Variants in MMP8 observed in about 807,000 individuals in gnomAD.
MMP8 encodes the protein matrix metallopeptidase 8, also known as neutrophil collagenase.
In MMP8, 67 loss-of-function variants were observed where a neutral mutation model predicts 51.2. That is an observed-to-expected ratio of 1.31 (90% CI 1.08 to 1.60). MMP8 has a LOEUF of 1.60. MMP8 is among the 40% of genes most tolerant of loss of function. The pLI, the probability that MMP8 is intolerant of heterozygous loss-of-function variation, is 0.00. For synonymous variants in MMP8, 225 were observed against 191.0 expected (o/e 1.18, Z -1.47); for missense variants, 654 against 558.1 (o/e 1.17, Z -1.73).
At position 102,712,308 on chromosome 11, in the gene MMP8, C is replaced by G. The variant is rs2134287693; in HGVS notation, c.*1040G>C. Reference sequence around the variant, plus strand: ...GTGGTGGTTCTCTTTTGGCTGCTGTCCTGGGAAGATGCCCAGTAGTCCTTA... The same window carrying G: ...GTGGTGGTTCTCTTTTGGCTGCTGTGCTGGGAAGATGCCCAGTAGTCCTTA... On this transcript the variant is annotated 3_prime_UTR_variant, in exon 10 of 10. Coordinates refer to ENST00000236826, the MANE Select transcript of MMP8 (RefSeq NM_002424.3). 1 of 152,508 alleles carries G rather than the reference C, an allele frequency of 6.6e-6. No homozygotes were observed. Among genetic ancestry groups the G allele is most frequent in the Admixed American group, 6.5e-5 (1 of 15,298 alleles). The allele number at this position is 152,508 out of a possible 1,614,324, so 9.4% of individuals were successfully genotyped here. A position where few individuals can be genotyped will look rare whatever the true frequency, so the allele number is the denominator to read the frequency against.
intron 1 of MMP8, chr11:102,723,385 G>T: frequency 2.6e-6 from 1 of 379,178 alleles, no homozygotes; most frequent in East Asian, 7.3e-5. Flanking sequence ...GTGAACACCT[G>T]GCACCTTGTC....
intron 2 of MMP8, 66 bp downstream of exon 2, chr11:102,722,363 T>C: frequency 3.3e-6 from 5 of 1,528,240 alleles, no homozygotes; most frequent in Non-Finnish European, 4.5e-6. Context: ...AAGAACAGTG[T>C]CTGTCATATA....
At chr11:102,718,220 C>A (rs191906926) in intron 5 of MMP8, among the ~76,000 whole-genome samples, 194 bp downstream of exon 5, 28 of 152,240 alleles carry the variant, frequency 1.8e-4, no homozygotes, top group African/African-American at 6.3e-4. Flanking sequence ...TCTTCTTAAA[C>A]TTTTTTTCTT....
At chr11:102,716,879 A>T (rs974922340) in intron 5 of MMP8, among the ~76,000 whole-genome samples, 1 of 152,202 alleles carries the variant, frequency 6.6e-6, no homozygotes, top group Non-Finnish European at 1.5e-5. Context: ...TTGAATTTTC[A>T]TGTGTTTTCT....
Position 102,724,879 on chromosome 11 carries a change from C to T in MMP8, c.-24G>A. 1.3e-6 allele frequency: 2 copies of T among 1,597,760 alleles called. No individual in the cohort carries two copies. The highest frequency in any genetic ancestry group is 1.7e-6 in the Non-Finnish European group (2 of 1,170,720). ...ATGATCTTCTCTTCAAACTCTACCC[C>T]TCCTGGCTTTCTTTCTGTCCCTCTG... On this transcript the variant is annotated 5_prime_UTR_variant, in exon 1 of 10. Transcript: ENST00000236826.
rs370131722 is a variant in MMP8, at chr11:102,715,442, C to T, written c.903-5G>A. The stretch of plus-strand genomic sequence containing the variant: ...GGATGCCTTCTCCAGAAGTACCTAA[C>T]GGAACATAAGGAAACACACACACAC... On this transcript the variant is annotated splice_region_variant and splice_polypyrimidine_tract_variant and intron_variant, in intron 6 of 9. Transcript: ENST00000236826. The T allele has an allele frequency of 1.1e-4, 177 of 1,609,936 alleles. No homozygotes were observed. The highest frequency in any genetic ancestry group is 4.3e-4 in the African/African-American group (32 of 74,754).
intron 5 of MMP8, 28 bp from the exon 6 acceptor site, chr11:102,716,447 A>AAAT (rs398017359): frequency 2.4e-6 from 3 of 1,224,532 alleles, no homozygotes; most frequent in South Asian, 1.4e-5. Context: ...AAAAAAAAAA[A>AAAT]GGTCTTTCTT....
chr11:102,722,565 C>A lies in MMP8; in HGVS notation c.211G>T (p.Gly71Trp). 6.2e-7 allele frequency: 1 copy of A among 1,613,872 alleles called. No homozygotes were observed. ...TTTGGCTTCCCCGTCACATTCAACC[C>A]AAAAAATCGCTGCATTTCTTTAAGC... The part of the protein sequence containing the change: ...EKLKEMQRFF[G>W]LNVTGKPNEE... Residue 71 changes from glycine to tryptophan, a missense_variant, in exon 2 of 10, where the codon GGG (glycine) becomes TGG (tryptophan). Coordinates refer to ENST00000236826, the MANE Select transcript of MMP8 (RefSeq NM_002424.3).
chr11:102,717,483 T>A (rs1861332152), intron 5 of MMP8, among the ~76,000 whole-genome samples: 1 of 152,228 alleles, frequency 6.6e-6, no homozygotes, highest in South Asian at 2.1e-4. Context: ...AATTAATACA[T>A]TGTGCAATAT....
rs747317734 is a variant in MMP8 at position 102,716,442 on chromosome 11, A to T, written c.785-23T>A. 8 of 1,413,764 alleles carry T rather than the reference A, an allele frequency of 5.7e-6. No individual in the cohort carries two copies. In the South Asian group the frequency reaches 8.9e-5, roughly 16 times the overall value. 87.6% of individuals were successfully genotyped at this position (1,413,764 alleles called of 1,614,324 possible). On this transcript the variant is annotated intron_variant, in intron 5 of 9. Coordinates refer to ENST00000236826, the MANE Select transcript of MMP8 (RefSeq NM_002424.3). ...GTCCTGGAAAAAAAAAAAAAAAAAA[A>T]AAAAAGGTCTTTCTTATGAGAGTAA...
chr11:102,721,228 TA>T lies in MMP8; in HGVS notation c.622+172del, dbSNP rs1480254435. Among the ~76,000 whole-genome samples the T allele has an allele frequency of 3.3e-5, 5 of 152,122 alleles. 1 individual carries two copies. The highest frequency in any genetic ancestry group is 4.1e-4 in the South Asian group (2 of 4,830). Reference sequence around the variant, plus strand: ...CAGCATGTCTTTTTCTTTCTTTTTTTAAAAAAATCCCAAATTGACTTAGTAT... The same window carrying T: ...CAGCATGTCTTTTTCTTTCTTTTTTTAAAAAATCCCAAATTGACTTAGTAT... On this transcript the variant is annotated intron_variant, in intron 4 of 9. Coordinates refer to ENST00000236826, the MANE Select transcript of MMP8 (RefSeq NM_002424.3).
intron 6 of MMP8, 21 bp downstream of exon 6, chr11:102,716,281 A>C: frequency 6.7e-7 from 1 of 1,482,570 alleles, no homozygotes; most frequent in Non-Finnish European, 9.4e-7. Flanking sequence ...AATCAAAGGA[A>C]GAAATATTTC....
At chr11:102,716,449 G>GC in intron 5 of MMP8, 30 bp from the exon 6 acceptor site, 1 of 1,085,820 alleles carries the variant, frequency 9.2e-7, no homozygotes, top group South Asian at 1.4e-5. Flanking sequence ...AAAAAAAAAG[G>GC]TCTTTCTTAT....
chr11:102,713,646 G>C, intron 9 of MMP8, 108 bp downstream of exon 9: 1 of 1,089,738 alleles, frequency 9.2e-7, no homozygotes, highest in African/African-American at 1.6e-5. Context: ...TGGGAGGATT[G>C]CTTGAGGCCA....
chr11:102,722,300 A>G (rs557538881), intron 2 of MMP8, 129 bp downstream of exon 2: 2 of 1,004,372 alleles, frequency 2.0e-6, no homozygotes, highest in East Asian at 5.3e-5. Context: ...TTCATTCACT[A>G]CTCACACTCT....
chr11:102,723,344 A>C (rs1861529669), intron 1 of MMP8: 1 of 358,330 alleles, frequency 2.8e-6, no homozygotes, highest in Non-Finnish European at 5.5e-6. Context: ...ATACACAGTG[A>C]AATGTAACCT....
chr11:102,722,523 T>C lies in MMP8; in HGVS notation c.253A>G (p.Met85Val). 1.2e-6 allele frequency: 2 copies of C among 1,613,980 alleles called. No individual in the cohort carries two copies. The highest frequency in any genetic ancestry group is 8.5e-7 in the Non-Finnish European group (1 of 1,179,868). The change falls in exon 2 of 10, where the codon ATG becomes GTG. Residue 85 changes from methionine to valine, a missense_variant. Transcript: ENST00000236826. ...ACTCCACAGCGAGGCTTTTTCATCA[T>C]GTCCAGAGTTTCCTCATTTGGCTTC... ...TGKPNEETLDMMKKPRCGVPD... is the reference protein window; with the variant it reads ...TGKPNEETLDVMKKPRCGVPD...
chr11:102,723,132 A>G, intron 1 of MMP8: 1 of 977,838 alleles, frequency 1.0e-6, no homozygotes, highest in Non-Finnish European at 1.4e-6. Context: ...GTGATGATTC[A>G]GATTTTAACT....
chr11:102,716,766 C>T (rs940335735), intron 5 of MMP8, among the ~76,000 whole-genome samples: 4 of 152,108 alleles, frequency 2.6e-5, no homozygotes, highest in African/African-American at 7.2e-5. Context: ...TATCTATTGC[C>T]TCTCTCCTCA....
Sources: allele counts gnomAD v4.1 joint callset (sites outside exome capture counted in the v4.1 genomes callset), GRCh38; gene constraint gnomAD v4.1.1; transcripts MANE v1.5; gene names NCBI Gene and HGNC (gene_info 2026-07-23, HGNC 2026-07-21).